RAPGEF1: variants seen among roughly 807,000 people sequenced by gnomAD.
The protein encoded by RAPGEF1 is Rap guanine nucleotide exchange factor 1.
A neutral mutation model predicts 143.3 loss-of-function variants in RAPGEF1; 33 were observed. The ratio of observed to expected loss-of-function variants is 0.23; its 90% CI spans 0.17 to 0.31. The LOEUF is 0.31. Ranked by LOEUF, RAPGEF1 falls within the 10% of genes least tolerant of loss-of-function variation. RAPGEF1 has a pLI of 1.00. For missense variants in RAPGEF1, 1,199 were observed against 1,645.4 expected (o/e 0.73, Z 4.69); for synonymous variants, 629 against 676.5 (o/e 0.93, Z 1.09).
At chr9:131,636,146 T>C (rs1966319920) in intron 5 of RAPGEF1, among the ~76,000 whole-genome samples, 1 of 152,240 alleles carries the variant, frequency 6.6e-6, no homozygotes, top group South Asian at 2.1e-4. Context: ...GGCAGCGCTA[T>C]ACCACATGGG....
intron 26 of RAPGEF1, 151 bp downstream of exon 26, chr9:131,580,112 G>T: frequency 9.0e-7 from 1 of 1,112,180 alleles, no homozygotes; most frequent in Non-Finnish European, 1.3e-6. Flanking sequence ...AGTCATCCTG[G>T]CAGAAACTGA....
At chr9:131,630,150 C>A in intron 6 of RAPGEF1, 86 bp downstream of exon 6, 4 of 1,211,252 alleles carry the variant, frequency 3.3e-6, no homozygotes, top group Non-Finnish European at 4.8e-6. Flanking sequence ...CCTCATGCTG[C>A]CCACCCCACC....
At chr9:131,681,208 C>T (rs1832880577) in intron 1 of RAPGEF1, among the ~76,000 whole-genome samples, 1 of 152,160 alleles carries the variant, frequency 6.6e-6, no homozygotes, top group East Asian at 1.9e-4. Context: ...TCTGCACCCC[C>T]TCATTATTAT....
chr9:131,700,983 G>A (rs1834597177), intron 1 of RAPGEF1, among the ~76,000 whole-genome samples: 1 of 151,964 alleles, frequency 6.6e-6, no homozygotes, highest in Non-Finnish European at 1.5e-5. Context: ...GGCACTTTTA[G>A]AAGTTTACCA....
intron 15 of RAPGEF1, among the ~76,000 whole-genome samples, chr9:131,601,044 T>C (rs1249023608): frequency 6.6e-6 from 1 of 152,052 alleles, no homozygotes; most frequent in African/African-American, 2.4e-5. Flanking sequence ...TGGTGGCACA[T>C]GCCTGTAGTC....
At chr9:131,623,314 G>C (rs1434463939) in intron 10 of RAPGEF1, among the ~76,000 whole-genome samples, 1 of 151,812 alleles carries the variant, frequency 6.6e-6, no homozygotes, top group Admixed American at 6.6e-5. Context: ...AAAAAGAAAA[G>C]AAAAAAATTA....
At chr9:131,698,599 A>G (rs1264179873) in intron 1 of RAPGEF1, among the ~76,000 whole-genome samples, 3 of 152,202 alleles carry the variant, frequency 2.0e-5, no homozygotes, top group Non-Finnish European at 4.4e-5. Flanking sequence ...GGCGGGTAGA[A>G]GGAGGGGGCA....
chr9:131,699,118 C>G (rs1276183273), intron 1 of RAPGEF1, among the ~76,000 whole-genome samples: 1 of 152,160 alleles, frequency 6.6e-6, no homozygotes, highest in Admixed American at 6.5e-5. Context: ...ATACCCTTAA[C>G]AACTACCACC....
chr9:131,711,427 A>T (rs1835499860), intron 1 of RAPGEF1, among the ~76,000 whole-genome samples: 1 of 148,234 alleles, frequency 6.7e-6, no homozygotes, highest in African/African-American at 2.5e-5. Context: ...GTGCAATCTC[A>T]GCTCACTGCA....
At position 131,737,891 on chromosome 9, in the gene RAPGEF1, GGA is replaced by G. The variant is rs1254782023; in HGVS notation, c.61+1877_61+1878del. Among the ~76,000 whole-genome samples the G allele has an allele frequency of 0.02, 41 of 2,006 alleles. No homozygotes were observed. In the African/African-American group the frequency reaches 0.21, roughly 10 times the overall value. 1.3% of individuals were successfully genotyped at this position (2,006 alleles called of 152,430 possible). On this transcript the variant is annotated intron_variant, in intron 1 of 26. Coordinates refer to ENST00000683357, the MANE Select transcript of RAPGEF1 (RefSeq NM_001377935.1). ...GAGGCAGGAGAATGGCGTGAACCCA[GGA>G]GGAGGCGGAGCTTGCAGTGAGCCGA...
At chr9:131,604,735 C>T (rs976562532) in intron 13 of RAPGEF1, among the ~76,000 whole-genome samples, 196 bp downstream of exon 13, 4 of 152,134 alleles carry the variant, frequency 2.6e-5, no homozygotes, top group Admixed American at 2.6e-4. Flanking sequence ...ACATGGGCTC[C>T]CATTGCACCT....
At chr9:131,619,417 A>G (rs1347218622) in intron 11 of RAPGEF1, among the ~76,000 whole-genome samples, 3 of 152,136 alleles carry the variant, frequency 2.0e-5, no homozygotes, top group East Asian at 1.9e-4. Context: ...ATTTCCTTAC[A>G]CTAGATCCTA....
chr9:131,717,814 T>C (rs12345989), intron 1 of RAPGEF1, among the ~76,000 whole-genome samples: 2,766 of 143,136 alleles, frequency 0.019, 91 homozygotes, highest in African/African-American at 0.068. Flanking sequence ...GAGCGGGGGA[T>C]GAGGGACAGA....
chr9:131,647,380 A>C (rs1023876201), intron 3 of RAPGEF1, among the ~76,000 whole-genome samples: 19 of 152,194 alleles, frequency 1.2e-4, no homozygotes, highest in Admixed American at 2.6e-4. Context: ...GCATGTCTGA[A>C]ACCACCCAGG....
intron 1 of RAPGEF1, among the ~76,000 whole-genome samples, chr9:131,683,258 T>C (rs772232940): frequency 2.0e-5 from 3 of 152,184 alleles, no homozygotes. Context: ...TTTAAAATGG[T>C]TCACAGATAA....
At chr9:131,592,446 CACTTT>C (rs1384734501) in intron 17 of RAPGEF1, among the ~76,000 whole-genome samples, 1 of 152,190 alleles carries the variant, frequency 6.6e-6, no homozygotes, top group Non-Finnish European at 1.5e-5. Flanking sequence ...ATCTCATGGG[CACTTT>C]CTACCGATGA....
chr9:131,672,369 G>A (rs937450545), intron 1 of RAPGEF1, among the ~76,000 whole-genome samples: 4 of 152,118 alleles, frequency 2.6e-5, no homozygotes, highest in Admixed American at 1.3e-4. Flanking sequence ...TTCATCCTTC[G>A]TTCAGCTGAA....
intron 16 of RAPGEF1, 143 bp from the exon 17 acceptor site, chr9:131,596,516 CAGTGTGGCT>C (rs1955316697): frequency 1.2e-6 from 1 of 844,444 alleles, no homozygotes; most frequent in Non-Finnish European, 1.9e-6. Context: ...GGCCCAGGAG[CAGTGTGGCT>C]GCGCTGCGAA....
intron 1 of RAPGEF1, among the ~76,000 whole-genome samples, chr9:131,697,542 G>A (rs1390453905): frequency 1.3e-5 from 2 of 152,190 alleles, no homozygotes; most frequent in East Asian, 3.8e-4. Flanking sequence ...AGGGCTGTCA[G>A]GTATACACCC....
Sources: gnomAD v4.1 joint callset for allele counts (sites outside exome capture counted in the v4.1 genomes callset) on GRCh38, gnomAD v4.1.1 for gene constraint, MANE v1.5 for transcripts, NCBI Gene and HGNC (gene_info 2026-07-23, HGNC 2026-07-21) for gene names.